The following HYCC1 variants were observed in gnomAD, a reference collection of about 807,000 sequenced individuals.
HYCC1 encodes the protein hyccin PI4KA lipid kinase complex subunit 1.
chr7:23,004,286 T>C, the HYCC1 span, among the ~76,000 whole-genome samples: 1 of 152,238 alleles, frequency 6.6e-6, no homozygotes, highest in Non-Finnish European at 1.5e-5. Context: ...AATTACACAT[T>C]GTTTTTGAAG....
chr7:22,920,815 C>T, the HYCC1 span, among the ~76,000 whole-genome samples: 1 of 152,090 alleles, frequency 6.6e-6, no homozygotes, highest in Admixed American at 6.6e-5. Context: ...GGAGGTGGGG[C>T]CTGGTGACAG....
the HYCC1 span, among the ~76,000 whole-genome samples, chr7:22,992,813 G>A: frequency 1.1e-4 from 16 of 152,130 alleles, no homozygotes; most frequent in African/African-American, 3.4e-4. Context: ...AAATGGGGAG[G>A]TAAAATTTTT....
the HYCC1 span, chr7:22,976,449 C>T: frequency 2.6e-5 from 18 of 699,556 alleles, no homozygotes; most frequent in African/African-American, 3.1e-4. Context: ...TGAAAAACTA[C>T]AAGGAAAAAA....
the HYCC1 span, among the ~76,000 whole-genome samples, chr7:22,951,860 T>TA: frequency 6.6e-6 from 1 of 151,838 alleles, no homozygotes; most frequent in Non-Finnish European, 1.5e-5. Flanking sequence ...AAAGTTTAAA[T>TA]AGAGTACAAC....
the HYCC1 span, chr7:22,941,749 T>C: frequency 6.6e-6 from 1 of 152,150 alleles, no homozygotes; most frequent in Non-Finnish European, 1.5e-5. Context: ...AATTTAACAA[T>C]ATTAAACATA....
chr7:22,999,353 T>C, the HYCC1 span, among the ~76,000 whole-genome samples: 1 of 152,232 alleles, frequency 6.6e-6, no homozygotes, highest in African/African-American at 2.4e-5. Context: ...ATTCAAGTAT[T>C]ACCTCAGTGA....
the HYCC1 span, among the ~76,000 whole-genome samples, chr7:22,998,254 C>A: frequency 6.6e-6 from 1 of 152,196 alleles, no homozygotes; most frequent in Non-Finnish European, 1.5e-5. Flanking sequence ...CTGAGGCCAA[C>A]AGTTACTGCT....
chr7:22,983,235 G>A, the HYCC1 span, among the ~76,000 whole-genome samples: 7 of 151,732 alleles, frequency 4.6e-5, no homozygotes, highest in Non-Finnish European at 7.4e-5. Flanking sequence ...GTGCTGAGGT[G>A]GGAGGATCGC....
At chr7:22,971,495 C>T in the HYCC1 span, among the ~76,000 whole-genome samples, 1 of 150,522 alleles carries the variant, frequency 6.6e-6, no homozygotes, top group Non-Finnish European at 1.5e-5. Context: ...GGCAACATGG[C>T]GAAACCCTGT....
the HYCC1 span, among the ~76,000 whole-genome samples, chr7:22,910,809 T>A: frequency 6.6e-6 from 1 of 152,180 alleles, no homozygotes; most frequent in Non-Finnish European, 1.5e-5. Context: ...TTTAGTTAAC[T>A]TCTAGTGAGT....
chr7:22,961,158 T>C, the HYCC1 span: 5 of 852,702 alleles, frequency 5.9e-6, no homozygotes, highest in East Asian at 2.6e-5. Context: ...TAATAAACTA[T>C]GAATGGCTCT....
chr7:23,001,559 A>G, the HYCC1 span, among the ~76,000 whole-genome samples: 1 of 152,230 alleles, frequency 6.6e-6, no homozygotes, highest in Non-Finnish European at 1.5e-5. Flanking sequence ...TAAATTATTC[A>G]GATGATTGTG....
the HYCC1 span, among the ~76,000 whole-genome samples, chr7:22,917,368 TGGAAATCTATTCTCAA>T: frequency 6.6e-6 from 1 of 152,226 alleles, no homozygotes; most frequent in East Asian, 1.9e-4. Context: ...CTTTCCATCG[TGGAAATCTATTCTCAA>T]GGAAATAACT....
chr7:22,980,966 GC>G, the HYCC1 span, among the ~76,000 whole-genome samples: 1 of 152,114 alleles, frequency 6.6e-6, no homozygotes, highest in Non-Finnish European at 1.5e-5. Flanking sequence ...ATATCGCAGG[GC>G]CTTTCCACCT....
At chr7:22,989,662 G>A in the HYCC1 span, among the ~76,000 whole-genome samples, 1 of 152,116 alleles carries the variant, frequency 6.6e-6, no homozygotes, top group African/African-American at 2.4e-5. Context: ...CTGGCCACAA[G>A]TTATTAAAAT....
At chr7:22,925,580 C>A in the HYCC1 span, among the ~76,000 whole-genome samples, 13 of 152,100 alleles carry the variant, frequency 8.5e-5, no homozygotes, top group African/African-American at 3.1e-4. Context: ...GAAAGGGTAT[C>A]AGTGATGGAA....
chr7:22,923,995 GAAA>G, the HYCC1 span, among the ~76,000 whole-genome samples: 1,128 of 114,526 alleles, frequency 9.8e-3, 15 homozygotes, highest in African/African-American at 0.034. Context: ...TGACTTTAAT[GAAA>G]AAAAAAAAAA....
the HYCC1 span, among the ~76,000 whole-genome samples, chr7:22,959,612 A>C: frequency 6.6e-6 from 1 of 152,152 alleles, no homozygotes; most frequent in African/African-American, 2.4e-5. Context: ...TATGAAATTA[A>C]ATAAAGAACA....
At chr7:23,000,710 AGCAAGGTGCT>A in the HYCC1 span, among the ~76,000 whole-genome samples, 2 of 152,124 alleles carry the variant, frequency 1.3e-5, no homozygotes, top group Non-Finnish European at 2.9e-5. Context: ...AGTGGAATTT[AGCAAGGTGCT>A]GCAAGGAGAG....
Sources: gnomAD v4.1 joint callset for allele counts (sites outside exome capture counted in the v4.1 genomes callset) on GRCh38, gnomAD v4.1.1 for gene constraint, MANE v1.5 for transcripts, NCBI Gene and HGNC (gene_info 2026-07-23, HGNC 2026-07-21) for gene names.